KLHL1: variants seen among roughly 807,000 people sequenced by gnomAD.
The protein encoded by KLHL1 is kelch-like protein 1.
Under a neutral mutation model 77.7 loss-of-function variants are expected in KLHL1, and 47 were observed. That is an observed-to-expected ratio of 0.60 (90% CI 0.48 to 0.77). The LOEUF is 0.77. Among genes scored for constraint, KLHL1 ranks in the 30% least tolerant of loss-of-function variants. KLHL1 has a pLI of 0.00. For synonymous variants in KLHL1, 360 were observed against 325.2 expected (o/e 1.11, Z -1.15); for missense variants, 925 against 910.8 (o/e 1.02, Z -0.20).
chr13:69,890,232 A>C (rs1335474695), intron 4 of KLHL1, among the ~76,000 whole-genome samples: 1 of 59,636 alleles, frequency 1.7e-5, no homozygotes. Flanking sequence ...CTGCAATAAC[A>C]ATTTCCAAAA....
rs538121749 is a variant in KLHL1, at chr13:69,775,853, A to T, written c.1639+20885T>A. ...CAATTTTAGGTGGTAACTGCATTTT[A>T]AAAAAATTATTATTCTAGGCCAGGC... is the stretch of plus-strand genomic sequence containing the variant. On this transcript the variant is annotated intron_variant, in intron 7 of 10. Coordinates refer to ENST00000377844, the MANE Select transcript of KLHL1 (RefSeq NM_020866.3). Among the ~76,000 whole-genome samples the T allele has an allele frequency of 4.6e-5, 7 of 151,952 alleles. No homozygotes were observed. In the East Asian group the frequency reaches 9.7e-4, roughly 21 times the overall value.
At chr13:69,760,441 G>A (rs1039453317) in intron 7 of KLHL1, among the ~76,000 whole-genome samples, 3 of 151,918 alleles carry the variant, frequency 2.0e-5, no homozygotes, top group South Asian at 2.1e-4. Context: ...CTGCAACCTC[G>A]GCCTCCCAGT....
intron 1 of KLHL1, among the ~76,000 whole-genome samples, chr13:70,089,125 T>TG (rs1041395240): frequency 6.6e-6 from 1 of 151,956 alleles, no homozygotes; most frequent in Non-Finnish European, 1.5e-5. Flanking sequence ...TAAGAATGGG[T>TG]GGGGGGTGGA....
At chr13:70,102,506 A>T (rs2137456303) in intron 1 of KLHL1, among the ~76,000 whole-genome samples, 1 of 152,254 alleles carries the variant, frequency 6.6e-6, no homozygotes, top group Admixed American at 6.5e-5. Flanking sequence ...AATCTCCACC[A>T]AGGGAAAAAG....
At chr13:69,805,734 T>C (rs1293105579) in intron 6 of KLHL1, among the ~76,000 whole-genome samples, 1 of 150,710 alleles carries the variant, frequency 6.6e-6, no homozygotes, top group African/African-American at 2.4e-5. Context: ...TTGAGAGATA[T>C]TTGTTGAATG....
chr13:69,962,932 A>T (rs975290869), intron 2 of KLHL1, among the ~76,000 whole-genome samples: 1 of 152,180 alleles, frequency 6.6e-6, no homozygotes, highest in Non-Finnish European at 1.5e-5. Context: ...CTTTCCTAAT[A>T]TCATTTCCAT....
chr13:69,744,122 G>A (rs1227914615), intron 7 of KLHL1, among the ~76,000 whole-genome samples: 1 of 152,098 alleles, frequency 6.6e-6, no homozygotes. Flanking sequence ...CAGTTAGGAA[G>A]ATACTATGAA....
chr13:69,729,845 G>A (rs1400355359), intron 8 of KLHL1, among the ~76,000 whole-genome samples: 3 of 152,132 alleles, frequency 2.0e-5, no homozygotes, highest in South Asian at 2.1e-4. Flanking sequence ...TAATTAAAGT[G>A]TAAGCAATTT....
chr13:69,919,637 A>G (rs1377947206), intron 4 of KLHL1, among the ~76,000 whole-genome samples: 2 of 152,026 alleles, frequency 1.3e-5, no homozygotes, highest in Non-Finnish European at 2.9e-5. Flanking sequence ...GAAGTTAAGG[A>G]TAGGGTTCTG....
intron 4 of KLHL1, among the ~76,000 whole-genome samples, chr13:69,917,177 A>T (rs1882474259): frequency 6.6e-6 from 1 of 152,046 alleles, no homozygotes; most frequent in Admixed American, 6.6e-5. Context: ...CAAAATTTTT[A>T]TGAGAAGTAG....
chr13:69,714,406 C>A (rs984879323), intron 9 of KLHL1, among the ~76,000 whole-genome samples: 1 of 151,986 alleles, frequency 6.6e-6, no homozygotes, highest in African/African-American at 2.4e-5. Context: ...TGTCAGTCAG[C>A]AGAACATGGA....
At chr13:69,784,066 T>C (rs1876377816) in intron 7 of KLHL1, among the ~76,000 whole-genome samples, 1 of 152,074 alleles carries the variant, frequency 6.6e-6, no homozygotes, top group African/African-American at 2.4e-5. Context: ...AACCCAGAAT[T>C]TCATATCCAG....
At chr13:70,052,618 ATATT>A (rs1886655475) in intron 1 of KLHL1, among the ~76,000 whole-genome samples, 1 of 151,842 alleles carries the variant, frequency 6.6e-6, no homozygotes, top group African/African-American at 2.4e-5. Flanking sequence ...TTATGTGCCC[ATATT>A]TATTAACTAT....
chr13:69,939,361 A>ATATATATATATACATATACATACTATATG (rs1883288336), intron 4 of KLHL1, among the ~76,000 whole-genome samples: 1 of 93,308 alleles, frequency 1.1e-5, no homozygotes, highest in African/African-American at 4.3e-5. Flanking sequence ...ATATATATAT[A>ATATATATATATACATATACATACTATATG]TATATATATA....
chr13:69,719,322 T>G (rs971967528), intron 9 of KLHL1, 47 bp downstream of exon 9: 13 of 1,517,398 alleles, frequency 8.6e-6, no homozygotes, highest in Non-Finnish European at 1.2e-5. Context: ...GGCATCAATG[T>G]GATTTGCACT....
Position 70,107,271 on chromosome 13 carries a change from C to A in KLHL1, c.429G>T (p.Leu143=). ...GCTCCACTTTGAGCTCTTGCAGAACCAGCCCTTTTTCGTGTGGTCCAGGAA... is the reference window on the plus strand; with the variant it reads ...GCTCCACTTTGAGCTCTTGCAGAACAAGCCCTTTTTCGTGTGGTCCAGGAA... ...MDFPGPHEKG[L]VLQELKVEPD... is the part of the protein sequence containing the mutation. The change falls in exon 1 of 11, where the codon CTG becomes CTT. Residue 143 remains leucine (L), a synonymous_variant. Transcript: ENST00000377844. 1 of 1,614,138 alleles carries A rather than the reference C, an allele frequency of 6.2e-7. No homozygotes were observed. Among genetic ancestry groups the A allele is most frequent in the Non-Finnish European group, 8.5e-7 (1 of 1,180,020 alleles).
intron 1 of KLHL1, among the ~76,000 whole-genome samples, chr13:70,064,453 G>A (rs1886960588): frequency 6.6e-6 from 1 of 152,142 alleles, no homozygotes; most frequent in South Asian, 2.1e-4. Context: ...TACAAATTCT[G>A]TAGTGTGTTT....
At position 69,784,446 on chromosome 13, in the gene KLHL1, T is replaced by C. The variant is rs921399366; in HGVS notation, c.1639+12292A>G. On this transcript the variant is annotated intron_variant, in intron 7 of 10. Coordinates refer to ENST00000377844, the MANE Select transcript of KLHL1 (RefSeq NM_020866.3). ...TGCTGTATTCAGGAAACCCATCTCA[T>C]GTGCAGAGACACACATAGGCTCAAA... Among the ~76,000 whole-genome samples, 906 of 152,192 alleles carry C rather than the reference T, an allele frequency of 6.0e-3. 7 individuals are homozygous for C. The highest frequency in any genetic ancestry group is 0.02 in the African/African-American group (823 of 41,488).
At chr13:69,743,378 A>G (rs1182083701) in intron 7 of KLHL1, among the ~76,000 whole-genome samples, 1 of 152,208 alleles carries the variant, frequency 6.6e-6, no homozygotes, top group African/African-American at 2.4e-5. Context: ...TTGAATTAAC[A>G]GGTTTCAGTT....
Sources: allele counts gnomAD v4.1 joint callset (sites outside exome capture counted in the v4.1 genomes callset), GRCh38; gene constraint gnomAD v4.1.1; transcripts MANE v1.5; gene names NCBI Gene and HGNC (gene_info 2026-07-23, HGNC 2026-07-21).